The following GNA14 variants were observed in gnomAD, a reference collection of about 807,000 sequenced individuals.
The protein encoded by GNA14 is guanine nucleotide-binding protein subunit alpha-14.
In GNA14, 50 loss-of-function variants were observed where a neutral mutation model predicts 42.0. That is an observed-to-expected ratio of 1.19 (90% CI 0.95 to 1.51). The LOEUF is 1.51. Among genes scored for constraint, GNA14 ranks in the 40% most tolerant of loss-of-function variants. The pLI is 0.00. For missense variants in GNA14, 473 were observed against 446.2 expected (o/e 1.06, Z -0.54); for synonymous variants, 173 against 163.1 (o/e 1.06, Z -0.46).
intron 1 of GNA14, among the ~76,000 whole-genome samples, chr9:77,577,235 C>CCTGAATTTA (rs1823142786): frequency 6.6e-6 from 1 of 152,116 alleles, no homozygotes; most frequent in African/African-American, 2.4e-5. Flanking sequence ...AGCTTGGACA[C>CCTGAATTTA]CTGAATTTAC....
rs184523299 is a variant in GNA14, at chr9:77,615,961, C to T, written c.124+31709G>A. Reference sequence around the variant, plus strand: ...TGTTGTTGTTGTTGCATTATGGTCACTGAAATACTTCATATCTTGGTCTTC... The same window carrying T: ...TGTTGTTGTTGTTGCATTATGGTCATTGAAATACTTCATATCTTGGTCTTC... On this transcript the variant is annotated intron_variant, in intron 1 of 6. Coordinates refer to ENST00000341700, the MANE Select transcript of GNA14 (RefSeq NM_004297.4). Among the ~76,000 whole-genome samples the T allele has an allele frequency of 1.5e-4, 23 of 151,794 alleles. No individual in the cohort carries two copies. In the East Asian group the frequency reaches 3.1e-3, roughly 21 times the overall value.
At chr9:77,564,739 G>A (rs889293366) in intron 1 of GNA14, among the ~76,000 whole-genome samples, 16 of 151,758 alleles carry the variant, frequency 1.1e-4, no homozygotes, top group African/African-American at 1.7e-4. Context: ...AGGCTGAGGC[G>A]TGAGAATCGC....
At chr9:77,589,937 GAT>G (rs1365611514) in intron 1 of GNA14, among the ~76,000 whole-genome samples, 1 of 152,148 alleles carries the variant, frequency 6.6e-6, no homozygotes, top group Non-Finnish European at 1.5e-5. Context: ...TTTGTTTTGA[GAT>G]AGAGTCTTGC....
intron 2 of GNA14, among the ~76,000 whole-genome samples, chr9:77,483,250 GTTTGTTAGT>G (rs1836594231): frequency 6.6e-6 from 1 of 152,154 alleles, no homozygotes; most frequent in African/African-American, 2.4e-5. Context: ...TGTCCTTTCT[GTTTGTTAGT>G]TTTCCTTCTA....
At chr9:77,470,044 C>T (rs1836303322) in intron 2 of GNA14, among the ~76,000 whole-genome samples, 1 of 152,116 alleles carries the variant, frequency 6.6e-6, no homozygotes, top group Non-Finnish European at 1.5e-5. Flanking sequence ...AGGAGGAGTA[C>T]AGAATATGCT....
At chr9:77,634,340 C>A (rs982832879) in intron 1 of GNA14, among the ~76,000 whole-genome samples, 1 of 150,642 alleles carries the variant, frequency 6.6e-6, no homozygotes, top group African/African-American at 2.4e-5. Flanking sequence ...ATCCCTTGAA[C>A]CCAGAAGTTT....
Position 77,464,114 on chromosome 9 carries a change from C to T in GNA14, c.310-29592G>A, listed in dbSNP as rs78855531. Among the ~76,000 whole-genome samples, 266 of 152,172 alleles carry T rather than the reference C, an allele frequency of 1.7e-3. 7 individuals are homozygous for T. In the East Asian group the frequency reaches 0.046, roughly 27 times the overall value. On this transcript the variant is annotated intron_variant, in intron 2 of 6. Coordinates refer to ENST00000341700, the MANE Select transcript of GNA14 (RefSeq NM_004297.4). The stretch of plus-strand genomic sequence containing the variant: ...CTCCTGGGCTCAAGTCATTGCCCTA[C>T]CTCAGCCTCCAGAACAGCTGGGACT...
intron 2 of GNA14, among the ~76,000 whole-genome samples, chr9:77,481,364 T>C (rs534673885): frequency 6.6e-6 from 1 of 152,340 alleles, no homozygotes; most frequent in African/African-American, 2.4e-5. Context: ...CGGTTTTAAG[T>C]GAGTTTCTTA....
chr9:77,576,662 A>G (rs1823132366), intron 1 of GNA14, among the ~76,000 whole-genome samples: 1 of 152,182 alleles, frequency 6.6e-6, no homozygotes, highest in South Asian at 2.1e-4. Flanking sequence ...ATCACAATTA[A>G]GTTGCCCAGT....
intron 1 of GNA14, among the ~76,000 whole-genome samples, chr9:77,616,300 TAGAACCATTGGTGATACTCAAA>T (rs1334854572): frequency 6.6e-6 from 1 of 152,196 alleles, no homozygotes; most frequent in African/African-American, 2.4e-5. Flanking sequence ...TACCCATGGG[TAGAACCATTGGTGATACTCAAA>T]AGATTTGGCA....
intron 4 of GNA14, among the ~76,000 whole-genome samples, chr9:77,429,398 C>T (rs1343394003): frequency 2.6e-5 from 4 of 152,166 alleles, no homozygotes; most frequent in East Asian, 1.9e-4. Context: ...AGGGACGCAG[C>T]GGCCAGCTGT....
At chr9:77,465,852 C>T (rs1240506279) in intron 2 of GNA14, among the ~76,000 whole-genome samples, 2 of 152,144 alleles carry the variant, frequency 1.3e-5, no homozygotes, top group Non-Finnish European at 2.9e-5. Context: ...AGCAGTCCTC[C>T]CACCTTGGCC....
intron 1 of GNA14, among the ~76,000 whole-genome samples, chr9:77,609,942 C>A (rs913587235): frequency 6.6e-6 from 1 of 152,174 alleles, no homozygotes; most frequent in African/African-American, 2.4e-5. Context: ...TCTTGATCCA[C>A]CTCTTTAGGA....
chr9:77,509,692 C>T (rs958775547), intron 2 of GNA14, among the ~76,000 whole-genome samples: 3 of 152,148 alleles, frequency 2.0e-5, no homozygotes, highest in African/African-American at 7.2e-5. Context: ...GAATGTCACC[C>T]TTCATATTAC....
chr9:77,568,524 A>AC (rs1357049692), intron 1 of GNA14, among the ~76,000 whole-genome samples: 12 of 152,098 alleles, frequency 7.9e-5, no homozygotes, highest in African/African-American at 2.7e-4. Context: ...GAAAGAAAGA[A>AC]TGTTAACTAT....
At chr9:77,524,644 C>T (rs1379644189) in intron 2 of GNA14, among the ~76,000 whole-genome samples, 3 of 152,132 alleles carry the variant, frequency 2.0e-5, no homozygotes, top group African/African-American at 7.2e-5. Context: ...ACGACTGAAT[C>T]ACTAATCAGT....
chr9:77,526,278 T>C (rs1430255354), intron 2 of GNA14, among the ~76,000 whole-genome samples: 1 of 151,994 alleles, frequency 6.6e-6, no homozygotes, highest in East Asian at 1.9e-4. Flanking sequence ...CTGGAATGGG[T>C]TGACTTTTAG....
intron 1 of GNA14, among the ~76,000 whole-genome samples, chr9:77,550,031 G>T (rs746387835): frequency 1.6e-4 from 24 of 152,086 alleles, no homozygotes; most frequent in Non-Finnish European, 2.9e-4. Flanking sequence ...TTTGCAAGGG[G>T]GTGTTGACAA....
chr9:77,574,709 G>GAGATTATTATTAATATTAATATTAAT (rs1564057201), intron 1 of GNA14, among the ~76,000 whole-genome samples: 1 of 152,170 alleles, frequency 6.6e-6, no homozygotes, highest in African/African-American at 2.4e-5. Flanking sequence ...AATCTCAGTA[G>GAGATTATTATTAATATTAATATTAAT]CTTAATATAA....
Sources: gnomAD v4.1 joint callset for allele counts (sites outside exome capture counted in the v4.1 genomes callset) on GRCh38, gnomAD v4.1.1 for gene constraint, MANE v1.5 for transcripts, NCBI Gene and HGNC (gene_info 2026-07-23, HGNC 2026-07-21) for gene names.